Variants in JAK1 observed in about 807,000 individuals in gnomAD.
JAK1 encodes the protein Janus kinase 1.
Under a neutral mutation model 136.6 loss-of-function variants are expected in JAK1, and 16 were observed. The ratio of observed to expected loss-of-function variants is 0.12; its 90% CI spans 0.08 to 0.18. The LOEUF (loss-of-function observed/expected upper bound fraction) is 0.18. JAK1 is among the 10% of genes least tolerant of loss of function. The pLI is 1.00. For synonymous variants in JAK1, 492 were observed against 519.5 expected, an observed-to-expected ratio of 0.95 and a Z score of 0.72; for missense variants, 859 against 1,450.1, an observed-to-expected ratio of 0.59 and a Z score of 6.62.
At chr1:64,847,753 G>C in intron 12 of JAK1, 78 bp from the exon 13 acceptor site, 4 of 1,513,714 alleles carry the variant, frequency 2.6e-6, no homozygotes, top group Non-Finnish European at 3.6e-6. Context: ...GTCCTCAATG[G>C]GAACATGGAC....
chr1:64,867,394 T>C (rs1252613979), intron 6 of JAK1, among the ~76,000 whole-genome samples, 186 bp from the exon 7 acceptor site: 3 of 152,198 alleles, frequency 2.0e-5, no homozygotes, highest in Non-Finnish European at 4.4e-5. Flanking sequence ...GAATAGAAAC[T>C]GGGAAAGAAA....
At chr1:64,889,471 CTTTTGTAGCTCAA>C (rs1644902061) in intron 1 of JAK1, among the ~76,000 whole-genome samples, 1 of 151,996 alleles carries the variant, frequency 6.6e-6, no homozygotes, top group Non-Finnish European at 1.5e-5. Context: ...CAGAGGATTA[CTTTTGTAGCTCAA>C]TTTTGTAGGT....
intron 1 of JAK1, among the ~76,000 whole-genome samples, chr1:64,900,033 T>C (rs955726965): frequency 6.6e-6 from 1 of 152,226 alleles, no homozygotes; most frequent in African/African-American, 2.4e-5. Flanking sequence ...TTAGAGATTT[T>C]CTAAGTGTTC....
In JAK1 at chr1:64,880,141, G is replaced by A. The variant is rs189370460; in HGVS notation, c.206-993C>T. On this transcript the variant is annotated intron_variant, in intron 3 of 24. Coordinates refer to ENST00000342505, the MANE Select transcript of JAK1 (RefSeq NM_002227.4). ...CCTCCCTGGCCCAGCACACCCAGGC[G>A]GGGACTCTCTCCAACGCAGACACTG... Among the ~76,000 whole-genome samples the A allele has an allele frequency of 9.9e-5, 15 of 152,236 alleles. No homozygotes were observed. The East Asian group carries it at 2.1e-3, about 22-fold the overall frequency.
At position 65,060,191 on chromosome 1, in the gene JAK1, C is replaced by T. The variant is rs137876968; in HGVS notation, c.-181+7413G>A. 4.2e-4 allele frequency among the ~76,000 whole-genome samples: 64 copies of T among 151,752 alleles called. No homozygotes were observed. In the East Asian group the frequency reaches 0.011, roughly 26 times the overall value. On this transcript the variant is annotated intron_variant, in intron 1 of 25. Coordinates refer to the JAK1 transcript ENST00000671954. ...CCTAAGGTTCTTGGAAATAGTTGCA[C>T]ATTTTTACCCGAATTATAAACATCT... is the stretch of plus-strand genomic sequence containing the variant.
chr1:64,972,416 T>C lies in JAK1; in HGVS notation c.-78+72064A>G, dbSNP rs373809168. ...ATAGAAAGTAACTTGCCAATACTAA[T>C]CTATGAATTAATCTAAAATTATACA... On this transcript the variant is annotated intron_variant, in intron 2 of 25. Coordinates refer to the JAK1 transcript ENST00000671954. The C allele has an allele frequency of 2.0e-4, 30 of 152,350 alleles. 5 individuals carry two copies. Among genetic ancestry groups the C allele is most frequent in the Admixed American group, 3.3e-4 (5 of 15,302 alleles). The allele number at this position is 152,350 out of a possible 1,614,324, so 9.4% of individuals were successfully genotyped here. A position where few individuals can be genotyped will look rare whatever the true frequency, so the allele number is the denominator to read the frequency against.
At chr1:64,993,790 C>T (rs778838479) in intron 2 of JAK1, among the ~76,000 whole-genome samples, 8 of 152,114 alleles carry the variant, frequency 5.3e-5, no homozygotes, top group Admixed American at 2.0e-4. Context: ...GGATTACAGG[C>T]GCCCACCATC....
At chr1:64,994,913 A>G (rs1450656971) in intron 2 of JAK1, 1 of 151,320 alleles carries the variant, frequency 6.6e-6, no homozygotes, top group Non-Finnish European at 1.5e-5. Flanking sequence ...GAAGAATTAC[A>G]GTAAGACGTG....
intron 17 of JAK1, among the ~76,000 whole-genome samples, chr1:64,842,510 T>A (rs943279590): frequency 6.6e-6 from 1 of 152,098 alleles, no homozygotes; most frequent in Non-Finnish European, 1.5e-5. Context: ...AGGACTGGAA[T>A]TAAGGAGCTG....
At chr1:64,902,452 CAA>C (rs989695969) in intron 1 of JAK1, among the ~76,000 whole-genome samples, 1 of 151,638 alleles carries the variant, frequency 6.6e-6, no homozygotes, top group African/African-American at 2.4e-5. Flanking sequence ...GCTCTCTCAA[CAA>C]AGAGTTGTTG....
chr1:64,971,230 CA>C (rs1216419395), upstream of JAK1, among the ~76,000 whole-genome samples: 1 of 152,186 alleles, frequency 6.6e-6, no homozygotes, highest in Admixed American at 6.5e-5. Flanking sequence ...TTCCACGGGG[CA>C]TATTTTTCAT....
intron 1 of JAK1, among the ~76,000 whole-genome samples, chr1:64,962,704 G>A (rs753777544): frequency 2.0e-5 from 3 of 152,178 alleles, no homozygotes; most frequent in Non-Finnish European, 4.4e-5. Context: ...TGAGCACGGG[G>A]GAGAGTAAGA....
chr1:65,014,637 AAC>A (rs1447779036), intron 2 of JAK1, among the ~76,000 whole-genome samples: 7 of 152,090 alleles, frequency 4.6e-5, no homozygotes, highest in African/African-American at 1.7e-4. Flanking sequence ...ACAATACAAT[AAC>A]ACACTCCATG....
At chr1:64,929,452 T>C (rs1645650437) in intron 1 of JAK1, among the ~76,000 whole-genome samples, 2 of 152,210 alleles carry the variant, frequency 1.3e-5, no homozygotes, top group Non-Finnish European at 2.9e-5. Flanking sequence ...GACTTTTCTA[T>C]ACTGCAAACA....
In JAK1 at chr1:64,860,152, G is replaced by A. The variant is rs923803399; in HGVS notation, c.1287C>T (p.Pro429=). The A allele has an allele frequency of 6.2e-7, 1 of 1,603,518 alleles. No individual in the cohort carries two copies. The highest frequency in any genetic ancestry group is 2.2e-5 in the East Asian group (1 of 44,632). ...AHHYLCTDVA[P]PLIVHNIQNG... Reference sequence around the variant, plus strand: ...TCTGTATGTTGTGGACGATCAACGGGGGGGCCACGTCGGTGCAGAGGTAAT... The same window carrying A: ...TCTGTATGTTGTGGACGATCAACGGAGGGGCCACGTCGGTGCAGAGGTAAT... The change falls in exon 9 of 25, where the codon CCC becomes CCT. Residue 429 remains proline, a synonymous_variant. Transcript: ENST00000342505.
intron 11 of JAK1, among the ~76,000 whole-genome samples, chr1:64,851,869 G>T (rs1655618626): frequency 6.6e-6 from 1 of 152,136 alleles, no homozygotes; most frequent in Non-Finnish European, 1.5e-5. Flanking sequence ...CCTCTTTCCT[G>T]CACTAGAAGA....
chr1:65,043,452 A>G (rs1647153333), intron 2 of JAK1, among the ~76,000 whole-genome samples: 1 of 152,208 alleles, frequency 6.6e-6, no homozygotes, highest in Admixed American at 6.5e-5. Flanking sequence ...ATTTGGATGA[A>G]TCTCCAGGGA....
chr1:65,008,613 CTCCCCTTCCCCT>C (rs111991178), intron 2 of JAK1, among the ~76,000 whole-genome samples: 13 of 151,486 alleles, frequency 8.6e-5, no homozygotes, highest in African/African-American at 2.4e-4. Context: ...ATAAGTCCTG[CTCCCCTTCCCCT>C]TCCCCTTCCC....
intron 1 of JAK1, among the ~76,000 whole-genome samples, chr1:64,905,842 G>C (rs567326159): frequency 2.0e-5 from 3 of 152,286 alleles, no homozygotes; most frequent in East Asian, 1.9e-4. Context: ...AAGAGGTCAG[G>C]TTCCAGCATT....
Sources: gnomAD v4.1 joint callset for allele counts (sites outside exome capture counted in the v4.1 genomes callset) on GRCh38, gnomAD v4.1.1 for gene constraint, MANE v1.5 for transcripts, NCBI Gene and HGNC (gene_info 2026-07-23, HGNC 2026-07-21) for gene names.